WHRN: variants seen among roughly 807,000 people sequenced by gnomAD.
WHRN encodes CASK-interacting protein CIP98.
Under a neutral mutation model 68.3 loss-of-function variants are expected in WHRN, and 41 were observed. The observed-to-expected ratio is 0.60, with a 90% confidence interval of 0.47 to 0.78. WHRN has a LOEUF of 0.78. WHRN is among the 30% of genes least tolerant of loss of function. The pLI, the probability that WHRN is intolerant of heterozygous loss-of-function variation, is 0.00. For missense variants in WHRN, 1,243 were observed against 1,244.7 expected (o/e 1.00, Z 0.02); for synonymous variants, 560 against 561.3 (o/e 1.00, Z 0.03).
At chr9:114,481,229 C>T (rs768099436) in intron 1 of WHRN, among the ~76,000 whole-genome samples, 2 of 152,180 alleles carry the variant, frequency 1.3e-5, no homozygotes, top group African/African-American at 2.4e-5. Context: ...GAGCCTCTCT[C>T]AGCAGAGGAA....
intron 2 of WHRN, among the ~76,000 whole-genome samples, chr9:114,475,413 C>T (rs761615825): frequency 6.6e-6 from 1 of 152,192 alleles, no homozygotes; most frequent in Non-Finnish European, 1.5e-5. Context: ...ACTCCCTAAG[C>T]ACTACATCTG....
rs191643458 is a variant in WHRN, at chr9:114,473,102, G to A, written c.837+5451C>T. ...GGAGACACATGAGCTTGGCGGAGTG[G>A]CTGCTTCTGCTGCAGCAGGGTCTAA... On this transcript the variant is annotated intron_variant, in intron 2 of 11. Transcript: ENST00000362057. Among the ~76,000 whole-genome samples the A allele has an allele frequency of 3.2e-3, 486 of 152,356 alleles. 3 individuals are homozygous for A. The highest frequency in any genetic ancestry group is 0.011 in the African/African-American group (464 of 41,580).
At chr9:114,440,520 T>C (rs1838281300) in intron 3 of WHRN, among the ~76,000 whole-genome samples, 1 of 152,192 alleles carries the variant, frequency 6.6e-6, no homozygotes, top group Non-Finnish European at 1.5e-5. Context: ...AGATTACAGG[T>C]GTAAACCATC....
At chr9:114,489,164 C>T (rs556316274) in intron 1 of WHRN, among the ~76,000 whole-genome samples, 3 of 152,302 alleles carry the variant, frequency 2.0e-5, no homozygotes, top group Admixed American at 2.0e-4. Context: ...ATTATCTACA[C>T]TCTTCTCAGT....
intron 3 of WHRN, among the ~76,000 whole-genome samples, chr9:114,458,262 T>A (rs1365378620): frequency 6.6e-6 from 1 of 152,158 alleles, no homozygotes; most frequent in African/African-American, 2.4e-5. Flanking sequence ...CTTTTATGAT[T>A]CAACCATCGA....
intron 3 of WHRN, among the ~76,000 whole-genome samples, chr9:114,464,392 G>A (rs944845119): frequency 5.9e-5 from 9 of 152,164 alleles, no homozygotes; most frequent in Non-Finnish European, 1.0e-4. Context: ...AGATCAAGAC[G>A]CCAGCAGGTT....
intron 1 of WHRN, among the ~76,000 whole-genome samples, chr9:114,486,953 GTGTGTGTATATATATATATA>G (rs1175179346): frequency 1.3e-4 from 15 of 115,444 alleles, no homozygotes; most frequent in African/African-American, 7.0e-4. Context: ...GTGTGTGTGT[GTGTGTGTATATATATATATA>G]TATATATATA....
At chr9:114,413,473 G>A (rs1390955254) in intron 7 of WHRN, among the ~76,000 whole-genome samples, 1 of 152,182 alleles carries the variant, frequency 6.6e-6, no homozygotes, top group Admixed American at 6.5e-5. Flanking sequence ...TCCCCAGAGT[G>A]AAGGGTCAGG....
At chr9:114,444,955 T>C (rs1184820570) in intron 3 of WHRN, among the ~76,000 whole-genome samples, 1 of 152,090 alleles carries the variant, frequency 6.6e-6, no homozygotes, top group Admixed American at 6.6e-5. Flanking sequence ...AACAAAATTG[T>C]GGCACTAGTT....
At chr9:114,473,819 G>A (rs1841439367) in intron 2 of WHRN, among the ~76,000 whole-genome samples, 1 of 152,222 alleles carries the variant, frequency 6.6e-6, no homozygotes, top group Admixed American at 6.5e-5. Context: ...AAGGGCCCCA[G>A]GCTGAGCCAT....
At chr9:114,403,777 A>AG in intron 10 of WHRN, 119 bp downstream of exon 10, 1 of 1,249,810 alleles carries the variant, frequency 8.0e-7, no homozygotes, top group East Asian at 2.3e-5. Flanking sequence ...AGTTATAGGG[A>AG]GCTCACTACC....
intron 3 of WHRN, among the ~76,000 whole-genome samples, chr9:114,463,468 C>T (rs1840410092): frequency 6.6e-6 from 1 of 152,184 alleles, no homozygotes; most frequent in African/African-American, 2.4e-5. Context: ...AGACTAAATG[C>T]AATGTGGTAT....
At chr9:114,426,048 GGA>G (rs1836821167) in intron 4 of WHRN, 161 bp downstream of exon 4, 1 of 827,312 alleles carries the variant, frequency 1.2e-6, no homozygotes, top group African/African-American at 1.7e-5. Context: ...GGCCAAGAGA[GGA>G]GAGGGATGTG....
chr9:114,455,884 G>A (rs762472099), intron 3 of WHRN, among the ~76,000 whole-genome samples: 9 of 152,112 alleles, frequency 5.9e-5, no homozygotes, highest in Non-Finnish European at 1.3e-4. Context: ...CATCACAGCT[G>A]AGCCTAGCCT....
At chr9:114,454,685 A>ATT (rs35467402) in intron 3 of WHRN, among the ~76,000 whole-genome samples, 58 of 147,794 alleles carry the variant, frequency 3.9e-4, no homozygotes, top group Admixed American at 9.9e-4. Context: ...CCAGGAAGCT[A>ATT]TATTTTTTTT....
chr9:114,505,026 G>T lies in WHRN; in HGVS notation c.-225C>A. 3.6e-6 allele frequency: 2 copies of T among 561,888 alleles called. No individual in the cohort carries two copies. The highest frequency in any genetic ancestry group is 5.4e-6 in the Non-Finnish European group (2 of 367,648). The allele number at this position is 561,888 out of a possible 1,614,324, so 34.8% of individuals were successfully genotyped here. A position where few individuals can be genotyped will look rare whatever the true frequency, so the allele number is the denominator to read the frequency against. Reference sequence around the variant, plus strand: ...GCGGGGGTCGCGAACCTGGAATCCGGGGGACGCGGAGACGTCGGCGGGTTC... The same window carrying T: ...GCGGGGGTCGCGAACCTGGAATCCGTGGGACGCGGAGACGTCGGCGGGTTC... On this transcript the variant is annotated 5_prime_UTR_variant, in exon 1 of 12. Coordinates refer to ENST00000362057, the MANE Select transcript of WHRN (RefSeq NM_015404.4).
chr9:114,438,119 C>T (rs1316644747), intron 3 of WHRN, among the ~76,000 whole-genome samples: 1 of 152,058 alleles, frequency 6.6e-6, no homozygotes, highest in Non-Finnish European at 1.5e-5. Flanking sequence ...CCTGTAGTCC[C>T]AGTTACCTGG....
intron 1 of WHRN, among the ~76,000 whole-genome samples, chr9:114,482,232 TG>T (rs1233203169): frequency 1.3e-5 from 2 of 152,210 alleles, no homozygotes; most frequent in African/African-American, 4.8e-5. Flanking sequence ...CAGTAGGTCC[TG>T]AAAAAAGACT....
intron 3 of WHRN, among the ~76,000 whole-genome samples, chr9:114,464,782 G>A (rs1662428684): frequency 6.6e-6 from 1 of 151,698 alleles, no homozygotes; most frequent in Non-Finnish European, 1.5e-5. Context: ...ACTGGGAAAG[G>A]GGAGATATGG....
Sources: gnomAD v4.1 joint callset for allele counts (sites outside exome capture counted in the v4.1 genomes callset) on GRCh38, gnomAD v4.1.1 for gene constraint, MANE v1.5 for transcripts, NCBI Gene and HGNC (gene_info 2026-07-23, HGNC 2026-07-21) for gene names.